The following KDM4C variants were observed in gnomAD, a reference collection of about 807,000 sequenced individuals.
KDM4C encodes the protein lysine demethylase 4C.
A neutral mutation model predicts 129.3 loss-of-function variants in KDM4C; 81 were observed. The observed-to-expected ratio is 0.63, with a 90% CI of 0.52 to 0.75. The LOEUF (loss-of-function observed/expected upper bound fraction) is 0.75. Ranked by LOEUF, KDM4C falls within the 30% of genes least tolerant of loss-of-function variation. KDM4C has a pLI of 0.00. For synonymous variants in KDM4C, 573 were observed against 456.1 expected (o/e 1.26, Z -3.26); for missense variants, 1,457 against 1,304.0 (o/e 1.12, Z -1.81).
chr9:6,800,822 T>A (rs1828806107), intron 2 of KDM4C, among the ~76,000 whole-genome samples: 2 of 152,224 alleles, frequency 1.3e-5, no homozygotes, highest in South Asian at 4.2e-4. Context: ...GAGCTGAGCT[T>A]TCGCCATGTT....
At chr9:6,747,725 C>A (rs1034247909) in intron 1 of KDM4C, among the ~76,000 whole-genome samples, 1 of 152,096 alleles carries the variant, frequency 6.6e-6, no homozygotes, top group Non-Finnish European at 1.5e-5. Flanking sequence ...TTTTGAGAAC[C>A]ACTGCTCCAG....
chr9:6,782,806 T>G (rs1258175169), intron 1 of KDM4C, among the ~76,000 whole-genome samples: 1 of 152,154 alleles, frequency 6.6e-6, no homozygotes, highest in East Asian at 1.9e-4. Flanking sequence ...TATGTTTATA[T>G]AGATGTATGG....
chr9:6,804,619 G>A (rs925864300), intron 2 of KDM4C, among the ~76,000 whole-genome samples: 7 of 151,886 alleles, frequency 4.6e-5, no homozygotes, highest in African/African-American at 7.3e-5. Flanking sequence ...TTAGCTGGGC[G>A]TGGTGGCAGG....
intron 8 of KDM4C, among the ~76,000 whole-genome samples, chr9:6,938,044 G>A (rs1015672438): frequency 2.0e-5 from 3 of 152,108 alleles, no homozygotes; most frequent in African/African-American, 7.2e-5. Context: ...CATTTTGTCA[G>A]TTACTTTCAA....
intron 5 of KDM4C, among the ~76,000 whole-genome samples, chr9:6,869,179 T>A (rs941985024): frequency 6.6e-6 from 1 of 152,228 alleles, no homozygotes; most frequent in Non-Finnish European, 1.5e-5. Flanking sequence ...TCACTGTGGC[T>A]TCCACAGTTA....
chr9:6,757,851 G>C (rs1272088033), upstream of KDM4C: 1 of 985,608 alleles, frequency 1.0e-6, no homozygotes. Context: ...GTTAACCACA[G>C]CGCGGAAGTT....
At chr9:7,126,423 G>A (rs566477224) in intron 18 of KDM4C, among the ~76,000 whole-genome samples, 1 of 152,272 alleles carries the variant, frequency 6.6e-6, no homozygotes, top group South Asian at 2.1e-4. Flanking sequence ...TTACTTGGGT[G>A]TATTTAGGGA....
At chr9:6,936,138 C>G (rs548059214) in intron 8 of KDM4C, among the ~76,000 whole-genome samples, 1 of 151,944 alleles carries the variant, frequency 6.6e-6, no homozygotes, top group African/African-American at 2.4e-5. Flanking sequence ...TATTCAAATC[C>G]TAGAGAGAAG....
intron 18 of KDM4C, among the ~76,000 whole-genome samples, chr9:7,105,082 C>G (rs145778893): frequency 1.4e-3 from 215 of 152,216 alleles, no homozygotes; most frequent in African/African-American, 4.9e-3. Context: ...GAGTTGATGT[C>G]CTTTTGCTAA....
intron 8 of KDM4C, among the ~76,000 whole-genome samples, chr9:6,940,364 T>C (rs895662703): frequency 4.6e-5 from 7 of 152,196 alleles, no homozygotes; most frequent in Non-Finnish European, 7.3e-5. Flanking sequence ...CTGACTTTCA[T>C]GTTATTAGAG....
intron 12 of KDM4C, among the ~76,000 whole-genome samples, chr9:7,007,810 C>T (rs1431040886): frequency 6.6e-6 from 1 of 151,876 alleles, no homozygotes; most frequent in East Asian, 1.9e-4. Context: ...TATATTAATT[C>T]ATTTAAAAAT....
At chr9:6,858,001 C>T (rs1840199732) in intron 5 of KDM4C, among the ~76,000 whole-genome samples, 1 of 145,546 alleles carries the variant, frequency 6.9e-6, no homozygotes, top group African/African-American at 2.6e-5. Context: ...TGAGCTAAGG[C>T]AGTCTACCCA....
At chr9:6,970,251 TA>T (rs955437139) in intron 8 of KDM4C, among the ~76,000 whole-genome samples, 3 of 152,322 alleles carry the variant, frequency 2.0e-5, no homozygotes, top group African/African-American at 7.2e-5. Context: ...TTCTTATGAA[TA>T]AAATAGCCCT....
intron 1 of KDM4C, among the ~76,000 whole-genome samples, chr9:6,775,377 T>A (rs187619701): frequency 6.6e-6 from 1 of 152,208 alleles, no homozygotes; most frequent in East Asian, 1.9e-4. Context: ...TGTAGTTCCA[T>A]CGGGTGAATA....
At chr9:7,125,848 A>G (rs981693879) in intron 18 of KDM4C, among the ~76,000 whole-genome samples, 1 of 152,180 alleles carries the variant, frequency 6.6e-6, no homozygotes, top group Admixed American at 6.5e-5. Flanking sequence ...GTCAGAGCTC[A>G]TGACATCAAA....
chr9:7,149,785 C>T (rs1842563916), intron 19 of KDM4C, among the ~76,000 whole-genome samples: 1 of 152,182 alleles, frequency 6.6e-6, no homozygotes, highest in African/African-American at 2.4e-5. Context: ...GTCAGAGAGT[C>T]CCTAAGCACA....
chr9:7,170,119 C>G, intron 21 of KDM4C: 2 of 1,414,586 alleles, frequency 1.4e-6, no homozygotes, highest in Non-Finnish European at 1.9e-6. Context: ...TCACATGATG[C>G]TTCTTTGTGT....
chr9:6,782,123 C>T (rs1405127352), intron 1 of KDM4C, among the ~76,000 whole-genome samples: 2 of 152,088 alleles, frequency 1.3e-5, no homozygotes, highest in Non-Finnish European at 2.9e-5. Context: ...CATGCCTGGC[C>T]TGGTTATAAA....
chr9:6,862,143 A>G (rs1291958420), intron 5 of KDM4C, among the ~76,000 whole-genome samples: 11 of 152,176 alleles, frequency 7.2e-5, no homozygotes, highest in Admixed American at 7.2e-4. Context: ...AATCAGAGAC[A>G]GAAAACTTAT....
Sources: gnomAD v4.1 joint callset for allele counts (sites outside exome capture counted in the v4.1 genomes callset) on GRCh38, gnomAD v4.1.1 for gene constraint, MANE v1.5 for transcripts, NCBI Gene and HGNC (gene_info 2026-07-23, HGNC 2026-07-21) for gene names.